HSD17B4: variants seen among roughly 807,000 people sequenced by gnomAD.
The protein encoded by HSD17B4 is peroxisomal multifunctional enzyme type 2.
HSD17B4 carries 70 observed loss-of-function variants against 101.0 expected under a neutral mutation model. The ratio of observed to expected loss-of-function variants is 0.69; its 90% CI spans 0.57 to 0.85. The LOEUF is 0.85. Among genes scored for constraint, HSD17B4 ranks in the 40% least tolerant of loss-of-function variants. The pLI, the probability that HSD17B4 is intolerant of heterozygous loss-of-function variation, is 0.00. For synonymous variants in HSD17B4, 347 were observed against 297.1 expected (o/e 1.17, Z -1.73); for missense variants, 984 against 892.4 (o/e 1.10, Z -1.31).
chr5:119,506,257 A>G (rs1484658606), intron 14 of HSD17B4, among the ~76,000 whole-genome samples: 1 of 152,166 alleles, frequency 6.6e-6, no homozygotes, highest in African/African-American at 2.4e-5. Context: ...ATGAGTGAGA[A>G]CGTGCGTTGT....
At chr5:119,536,401 G>T (rs771992565) in intron 22 of HSD17B4, 22 bp from the exon 23 acceptor site, 2 of 1,608,618 alleles carry the variant, frequency 1.2e-6, no homozygotes, top group African/African-American at 2.7e-5. Flanking sequence ...GATACACATT[G>T]GTTTCTTCCT....
At chr5:119,483,077 C>G (rs1749291074) in intron 8 of HSD17B4, among the ~76,000 whole-genome samples, 1 of 152,044 alleles carries the variant, frequency 6.6e-6, no homozygotes, top group Non-Finnish European at 1.5e-5. Flanking sequence ...GTTTCTTCCC[C>G]CTTGTCTTGT....
At chr5:119,511,070 A>G (rs1293660935) in intron 16 of HSD17B4, among the ~76,000 whole-genome samples, 2 of 152,168 alleles carry the variant, frequency 1.3e-5, no homozygotes, top group Non-Finnish European at 2.9e-5. Flanking sequence ...GCAGAGAAGA[A>G]CAGAAGCTAC....
Position 119,526,012 on chromosome 5 carries a change from A to T in HSD17B4, c.1669A>T (p.Lys557Ter). 1 of 1,565,006 alleles carries T rather than the reference A, an allele frequency of 6.4e-7. No homozygotes were observed. Among genetic ancestry groups the T allele is most frequent in the Non-Finnish European group, 8.8e-7 (1 of 1,135,374 alleles). Reference sequence around the variant, plus strand: ...TGCAGATAATGATGTGTCAAGATTCAAGGCAATTAAGGTAAATGTGTATTA... The same window carrying T: ...TGCAGATAATGATGTGTCAAGATTCTAGGCAATTAAGGTAAATGTGTATTA... Reference protein sequence around the residue: ...QFADNDVSRFKAIKARFAKPV... With the variant: ...QFADNDVSRF Residue 557 changes from lysine (K) to a stop codon, truncating the protein, a stop_gained, in exon 19 of 24, where the codon AAG becomes TAG. Coordinates refer to ENST00000510025, the MANE Select transcript of HSD17B4 (RefSeq NM_000414.4). LOFTEE classifies it high-confidence loss of function.
At chr5:119,525,706 C>A in intron 18 of HSD17B4, 2 of 571,144 alleles carry the variant, frequency 3.5e-6, no homozygotes, top group Non-Finnish European at 3.1e-6. Flanking sequence ...CATTCTTTTC[C>A]TGTTTTGTTT....
At chr5:119,508,496 A>G (rs558242886) in intron 15 of HSD17B4, among the ~76,000 whole-genome samples, 1 of 152,364 alleles carries the variant, frequency 6.6e-6, no homozygotes, top group East Asian at 1.9e-4. Context: ...AGAGCTAGAT[A>G]TGAAACAGAT....
At chr5:119,462,231 C>T (rs1755314488) in intron 2 of HSD17B4, among the ~76,000 whole-genome samples, 1 of 139,908 alleles carries the variant, frequency 7.1e-6, no homozygotes, top group Non-Finnish European at 1.5e-5. Flanking sequence ...GCTTCATATC[C>T]TCCCCCAACA....
chr5:119,507,371 T>C (rs1751750616), intron 15 of HSD17B4, among the ~76,000 whole-genome samples: 1 of 152,212 alleles, frequency 6.6e-6, no homozygotes, highest in Admixed American at 6.5e-5. Context: ...CTTGAACTTA[T>C]GATGTGGTTT....
intron 3 of HSD17B4, 86 bp downstream of exon 3, chr5:119,474,101 G>A: frequency 1.2e-6 from 1 of 801,640 alleles, no homozygotes; most frequent in Non-Finnish European, 2.1e-6. Flanking sequence ...AAATATCTCA[G>A]TATTCCAGTA....
chr5:119,455,227 C>G (rs1754491381), intron 1 of HSD17B4, among the ~76,000 whole-genome samples: 1 of 152,162 alleles, frequency 6.6e-6, no homozygotes, highest in South Asian at 2.1e-4. Flanking sequence ...TATAAAACTT[C>G]TCTCTTGGCT....
Position 119,496,584 on chromosome 5 carries a change from T to G in HSD17B4, c.910T>G (p.Ser304Ala). 5.0e-6 allele frequency: 8 copies of G among 1,604,008 alleles called. No homozygotes were observed. The highest frequency in any genetic ancestry group is 6.8e-6 in the Non-Finnish European group (8 of 1,170,864). Residue 304 changes from serine (S) to alanine (A), a missense_variant, in exon 12 of 24, where the codon TCA becomes GCA. By Grantham distance (99) the Ser-to-Ala change is moderately conservative (BLOSUM62 1). Transcript: ENST00000510025. ...SIIEVLSKID[S>A]EGGVSANHTS... ...AATTGAAGTTCTGAGTAAAATAGAT[T>G]CAGAAGGAGGAGTTTCAGCAAATCA...
At chr5:119,454,609 T>G (rs1176477401) in intron 1 of HSD17B4, among the ~76,000 whole-genome samples, 1 of 151,954 alleles carries the variant, frequency 6.6e-6, no homozygotes, top group African/African-American at 2.4e-5. Flanking sequence ...TTTGGAAAAC[T>G]GTATATTTTT....
intron 17 of HSD17B4, among the ~76,000 whole-genome samples, chr5:119,523,806 A>T (rs902310609): frequency 6.6e-6 from 1 of 152,064 alleles, no homozygotes; most frequent in Non-Finnish European, 1.5e-5. Context: ...CCTTTTTCCA[A>T]CTACTCTGTG....
chr5:119,503,869 A>G (rs1326124525), intron 14 of HSD17B4, among the ~76,000 whole-genome samples: 1 of 151,962 alleles, frequency 6.6e-6, no homozygotes, highest in Non-Finnish European at 1.5e-5. Context: ...AAACTTTGGG[A>G]TATGAATGAT....
chr5:119,500,886 G>A (rs1311737619), intron 13 of HSD17B4, among the ~76,000 whole-genome samples: 1 of 152,150 alleles, frequency 6.6e-6, no homozygotes, highest in Non-Finnish European at 1.5e-5. Context: ...CTTGGAGTAA[G>A]ATTCAGGTTA....
At chr5:119,488,730 C>T (rs1749827769) in intron 8 of HSD17B4, among the ~76,000 whole-genome samples, 1 of 152,140 alleles carries the variant, frequency 6.6e-6, no homozygotes, top group African/African-American at 2.4e-5. Context: ...CATTATCTGC[C>T]TACCCTGGTG....
In HSD17B4 at chr5:119,494,392, A is replaced by G. The variant is rs1164040065; in HGVS notation, c.868+446A>G. On this transcript the variant is annotated intron_variant, in intron 11 of 23. Transcript: ENST00000510025. ...TTCTTTCTTTCTTTCTTTCTTTCTC[A>G]AAAAGATTATTTAAGCCTTTTTATT... Among the ~76,000 whole-genome samples, 13 of 65,292 alleles carry G rather than the reference A, an allele frequency of 2.0e-4. No homozygotes were observed. In the Admixed American group the frequency reaches 2.2e-3, roughly 11 times the overall value. 42.8% of individuals were successfully genotyped at this position (65,292 alleles called of 152,430 possible). A position where few individuals can be genotyped will look rare whatever the true frequency, so the allele number is the denominator to read the frequency against.
Position 119,517,024 on chromosome 5 carries a change from C to T in HSD17B4, c.1503+1978C>T, listed in dbSNP as rs369168409. On this transcript the variant is annotated intron_variant, in intron 17 of 23. Coordinates refer to ENST00000510025, the MANE Select transcript of HSD17B4 (RefSeq NM_000414.4). ...TGGCGGCACTTGAGGAGCCCATCAGCCCACCGCTGCACTGTGGGAGCCCCT... is the reference window on the plus strand; with the variant it reads ...TGGCGGCACTTGAGGAGCCCATCAGTCCACCGCTGCACTGTGGGAGCCCCT... Among the ~76,000 whole-genome samples, 39 of 152,352 alleles carry T rather than the reference C, an allele frequency of 2.6e-4. 1 individual carries two copies. In the East Asian group the frequency reaches 4.4e-3, roughly 17 times the overall value.
At chr5:119,502,950 G>T (rs1225609383) in intron 14 of HSD17B4, among the ~76,000 whole-genome samples, 1 of 152,082 alleles carries the variant, frequency 6.6e-6, no homozygotes, top group East Asian at 1.9e-4. Flanking sequence ...CCCAGTATTT[G>T]CAAGGCACAG....
Sources: allele counts gnomAD v4.1 joint callset (sites outside exome capture counted in the v4.1 genomes callset), GRCh38; gene constraint gnomAD v4.1.1; transcripts MANE v1.5; gene names NCBI Gene and HGNC (gene_info 2026-07-23, HGNC 2026-07-21).